The following MMUT variants were observed in gnomAD, a reference collection of about 807,000 sequenced individuals.
MMUT encodes methylmalonyl-CoA mutase, mitochondrial.
MMUT carries 79 observed loss-of-function variants against 79.9 expected under a neutral mutation model. That is an observed-to-expected ratio of 0.99 (90% CI 0.82 to 1.19). The LOEUF (loss-of-function observed/expected upper bound fraction) is 1.19. MMUT is among the 50% of genes most tolerant of loss of function. The pLI, the probability that MMUT is intolerant of heterozygous loss-of-function variation, is 0.00. For synonymous variants in MMUT, 273 were observed against 295.7 expected (o/e 0.92, Z 0.79); for missense variants, 860 against 917.2 (o/e 0.94, Z 0.81).
At chr6:49,460,358 C>T (rs1767808968) in intron 1 of MMUT, among the ~76,000 whole-genome samples, 1 of 152,166 alleles carries the variant, frequency 6.6e-6, no homozygotes, top group Non-Finnish European at 1.5e-5. Context: ...GTTTCAAAGT[C>T]CTTGCATTTA....
At chr6:49,458,741 C>A (rs2127420248) in intron 2 of MMUT, among the ~76,000 whole-genome samples, 1 of 152,286 alleles carries the variant, frequency 6.6e-6, no homozygotes, top group East Asian at 1.9e-4. Context: ...CTTTGGGCAT[C>A]ATCTAAACTA....
At chr6:49,449,569 T>A (rs1767497843) in intron 6 of MMUT, among the ~76,000 whole-genome samples, 1 of 152,080 alleles carries the variant, frequency 6.6e-6, no homozygotes, top group Non-Finnish European at 1.5e-5. Flanking sequence ...GTTTACTGTC[T>A]ACAGAAAATG....
chr6:49,455,698 GATCCCAAAAC>G (rs1396243876), intron 4 of MMUT, among the ~76,000 whole-genome samples: 1 of 151,908 alleles, frequency 6.6e-6, no homozygotes, highest in Non-Finnish European at 1.5e-5. Context: ...CAGCACAGTG[GATCCCAAAAC>G]ATTACATTAG....
chr6:49,445,844 C>T (rs1738369284), intron 8 of MMUT, among the ~76,000 whole-genome samples: 1 of 151,876 alleles, frequency 6.6e-6, no homozygotes, highest in Non-Finnish European at 1.5e-5. Flanking sequence ...AAACTCAACT[C>T]CAAATTCTCC....
At chr6:49,456,386 T>C (rs1767690982) in intron 3 of MMUT, 149 bp from the exon 4 acceptor site, 1 of 671,996 alleles carries the variant, frequency 1.5e-6, no homozygotes, top group African/African-American at 1.8e-5. Context: ...TATTTAATGC[T>C]TATTTGTTAC....
chr6:49,461,736 T>C (rs1266303595), intron 1 of MMUT, among the ~76,000 whole-genome samples: 1 of 152,156 alleles, frequency 6.6e-6, no homozygotes, highest in African/African-American at 2.4e-5. Flanking sequence ...GCCACTGCAC[T>C]CCAACCTGGG....
intron 5 of MMUT, 136 bp from the exon 6 acceptor site, chr6:49,451,850 T>C: frequency 3.0e-6 from 3 of 1,014,126 alleles, no homozygotes; most frequent in South Asian, 3.1e-5. Context: ...GAATAGCAAA[T>C]AAATTCAGAC....
At chr6:49,441,301 CCAACTAAATGTTTACTTT>C (rs1485287362) in intron 10 of MMUT, among the ~76,000 whole-genome samples, 1 of 151,838 alleles carries the variant, frequency 6.6e-6, no homozygotes, top group Non-Finnish European at 1.5e-5. Context: ...TGCATAGATG[CCAACTAAATGTTTACTTT>C]CAATTATGAA....
chr6:49,431,814 C>A lies in MMUT; in HGVS notation c.2167G>T (p.Gly723Cys). 1.2e-6 allele frequency: 2 copies of A among 1,613,802 alleles called. No homozygotes were observed. Among genetic ancestry groups the A allele is most frequent in the Non-Finnish European group, 1.7e-6 (2 of 1,179,742 alleles). ...LFEVGVSNVF[G>C]PGTRIPKAAV... is the part of the protein sequence containing the mutation. The stretch of plus-strand genomic sequence containing the variant: ...GCCTTTGGAATTCGAGTCCCAGGAC[C>A]AAATACATTGGAAACACCAACTTCA... The change falls in exon 13 of 13, where the codon GGT becomes TGT. Residue 723 changes from glycine to cysteine, a missense_variant. By Grantham distance (159) the Gly-to-Cys change is radical (BLOSUM62 -3). Coordinates refer to ENST00000274813, the MANE Select transcript of MMUT (RefSeq NM_000255.4).
At chr6:49,434,088 T>C (rs190531534) in intron 12 of MMUT, among the ~76,000 whole-genome samples, 1 of 152,318 alleles carries the variant, frequency 6.6e-6, no homozygotes, top group African/African-American at 2.4e-5. Context: ...TCAAATGTTT[T>C]CTACTGGCTA....
intron 1 of MMUT, among the ~76,000 whole-genome samples, chr6:49,462,062 C>T (rs1767863922): frequency 6.6e-6 from 1 of 152,150 alleles, no homozygotes; most frequent in South Asian, 2.1e-4. Flanking sequence ...TAAGTGACTT[C>T]CTGAAAATCA....
Position 49,448,825 on chromosome 6 carries a change from T to C in MMUT, c.1435A>G (p.Ile479Val), listed in dbSNP as rs867154364. Residue 479 changes from isoleucine to valine, a missense_variant, in exon 7 of 13, where the codon ATA becomes GTA. Coordinates refer to ENST00000274813, the MANE Select transcript of MMUT (RefSeq NM_000255.4). ...EECAARRQAR[I>V]DSGSEVIVGV... ...TTTCTCACTATCTTACCAGAATCTA[T>C]TCTAGCTTGTCTTCGGGCAGCACAT... The C allele has an allele frequency of 3.7e-6, 6 of 1,611,890 alleles. No homozygotes were observed. In the Middle Eastern group the frequency reaches 8.3e-4, roughly 222 times the overall value.
intron 2 of MMUT, 147 bp downstream of exon 2, chr6:49,458,935 T>TA (rs1338440051): frequency 3.6e-5 from 29 of 813,236 alleles, no homozygotes; most frequent in East Asian, 3.3e-4. Flanking sequence ...CCACAGAAGT[T>TA]AAAAAAATCC....
rs774589780 is a variant in MMUT at position 49,460,601 on chromosome 6, G to A, written c.-39-1096C>T. 6.6e-5 allele frequency among the ~76,000 whole-genome samples: 10 copies of A among 152,248 alleles called. No individual in the cohort carries two copies. The South Asian group carries it at 1.4e-3, about 22-fold the overall frequency. On this transcript the variant is annotated intron_variant, in intron 1 of 12. Coordinates refer to ENST00000274813, the MANE Select transcript of MMUT (RefSeq NM_000255.4). ...GATCAAAATCCCACCTCACAAAGCC[G>A]TAAACTGTTTACCTGAATTACTAAA...
intron 8 of MMUT, among the ~76,000 whole-genome samples, chr6:49,446,372 A>C (rs2127416437): frequency 6.6e-6 from 1 of 152,110 alleles, no homozygotes; most frequent in South Asian, 2.1e-4. Context: ...GATTCTAGCT[A>C]TGAAAATTAA....
At chr6:49,446,252 T>C (rs1033802765) in intron 8 of MMUT, among the ~76,000 whole-genome samples, 6 of 151,876 alleles carry the variant, frequency 4.0e-5, no homozygotes, top group African/African-American at 1.4e-4. Flanking sequence ...AGGTAAAATA[T>C]TGTTAAAACC....
intron 7 of MMUT, 46 bp downstream of exon 7, chr6:49,448,770 C>A (rs760632896): frequency 9.8e-6 from 14 of 1,433,608 alleles, no homozygotes; most frequent in Non-Finnish European, 1.4e-5. Context: ...AAATGAATTT[C>A]TTTTTAACTA....
In MMUT at chr6:49,458,988, G is replaced by A. The variant is rs1033354000; in HGVS notation, c.385+94C>T. ...GTCTTTAACTACAAAATTATAGAGT[G>A]AATATCATCTTTACAGAGATTAACC... On this transcript the variant is annotated intron_variant, in intron 2 of 12. Coordinates refer to ENST00000274813, the MANE Select transcript of MMUT (RefSeq NM_000255.4). The A allele has an allele frequency of 1.8e-5, 23 of 1,249,534 alleles. No individual in the cohort carries two copies. In the African/African-American group the frequency reaches 3.2e-4, roughly 17 times the overall value. 77.4% of individuals were successfully genotyped at this position (1,249,534 alleles called of 1,614,324 possible).
rs780442254 is a variant in MMUT, at chr6:49,435,628, A to G, written c.1957-5T>C. 1 of 1,612,726 alleles carries G rather than the reference A, an allele frequency of 6.2e-7. No homozygotes were observed. The highest frequency in any genetic ancestry group is 8.5e-7 in the Non-Finnish European group (1 of 1,179,326). ...CTGGGCCACTTCACGAGGAGTCTAAACAGTCAGAAAGTAAAGATAAATCAT... is the reference window on the plus strand; with the variant it reads ...CTGGGCCACTTCACGAGGAGTCTAAGCAGTCAGAAAGTAAAGATAAATCAT... On this transcript the variant is annotated splice_region_variant and splice_polypyrimidine_tract_variant and intron_variant, in intron 11 of 12. Transcript: ENST00000274813.
Sources: gnomAD v4.1 joint callset for allele counts (sites outside exome capture counted in the v4.1 genomes callset) on GRCh38, gnomAD v4.1.1 for gene constraint, MANE v1.5 for transcripts, NCBI Gene and HGNC (gene_info 2026-07-23, HGNC 2026-07-21) for gene names.